The following FREM2 variants were observed in gnomAD, a reference collection of about 807,000 sequenced individuals.
FREM2 encodes the protein FRAS1 related extracellular matrix 2.
FREM2 carries 119 observed loss-of-function variants against 219.9 expected under a neutral mutation model. That is an observed-to-expected ratio of 0.54 (90% CI 0.47 to 0.63). The LOEUF (loss-of-function observed/expected upper bound fraction) is 0.63, where lower values mean the gene tolerates loss of function less well. Ranked by LOEUF, FREM2 falls within the 30% of genes least tolerant of loss-of-function variation. FREM2 has a pLI of 0.00. For synonymous variants in FREM2, 1,562 were observed against 1,522.8 expected, an observed-to-expected ratio of 1.03 and a Z score of -0.60; for missense variants, 4,030 against 3,993.6, an observed-to-expected ratio of 1.01 and a Z score of -0.25.
chr13:38,874,457 AT>A lies in FREM2; in HGVS notation c.8177-23del. The A allele has an allele frequency of 2.5e-6, 4 of 1,581,670 alleles. No individual in the cohort carries two copies. In the South Asian group the frequency reaches 3.3e-5, roughly 13 times the overall value. On this transcript the variant is annotated intron_variant, in intron 17 of 23. Transcript: ENST00000280481. The stretch of plus-strand genomic sequence containing the variant: ...GGGGTCTCTGGCTACATATATTTTC[AT>A]TCTTGGTACTCTCCCCATTATAGGT...
intron 12 of FREM2, 90 bp downstream of exon 12, chr13:38,856,346 G>A (rs1877561130): frequency 8.2e-7 from 1 of 1,221,120 alleles, no homozygotes; most frequent in African/African-American, 1.5e-5. Context: ...AACAAAATGA[G>A]GAGACTTTGA....
At chr13:38,767,795 C>T (rs1873500153) in intron 3 of FREM2, among the ~76,000 whole-genome samples, 1 of 152,198 alleles carries the variant, frequency 6.6e-6, no homozygotes, top group African/African-American at 2.4e-5. Flanking sequence ...ATTCCTGGTT[C>T]TGTGCCCTTT....
chr13:38,867,108 C>T (rs1246038447), intron 16 of FREM2, among the ~76,000 whole-genome samples: 1 of 152,178 alleles, frequency 6.6e-6, no homozygotes, highest in East Asian at 1.9e-4. Context: ...TCTATTGGAA[C>T]TGACAACAGT....
chr13:38,698,686 T>C (rs974868202), intron 2 of FREM2, among the ~76,000 whole-genome samples: 1 of 152,180 alleles, frequency 6.6e-6, no homozygotes, highest in African/African-American at 2.4e-5. Context: ...TGTTATCTGT[T>C]TCCTTATGAT....
chr13:38,840,717 C>G (rs9315618), intron 6 of FREM2, among the ~76,000 whole-genome samples: 17 of 144,670 alleles, frequency 1.2e-4, no homozygotes, highest in Admixed American at 7.2e-4. Flanking sequence ...CACACACACA[C>G]AGATATATAT....
intron 4 of FREM2, among the ~76,000 whole-genome samples, chr13:38,772,511 G>A (rs1873703889): frequency 6.6e-6 from 1 of 152,142 alleles, no homozygotes; most frequent in Admixed American, 6.5e-5. Flanking sequence ...TCGTTGAGCA[G>A]TTACTATGCA....
chr13:38,756,852 AT>A (rs1275415238), intron 2 of FREM2, among the ~76,000 whole-genome samples: 1 of 152,016 alleles, frequency 6.6e-6, no homozygotes, highest in Non-Finnish European at 1.5e-5. Flanking sequence ...GTTGGGGACC[AT>A]TTTTAAAAAT....
At chr13:38,830,430 T>G (rs1876462102) in intron 6 of FREM2, among the ~76,000 whole-genome samples, 2 of 152,154 alleles carry the variant, frequency 1.3e-5, no homozygotes. Flanking sequence ...ACCTCACTGT[T>G]TCTCTGAATT....
chr13:38,688,404 C>T lies in FREM2; in HGVS notation c.1060C>T (p.Leu354=), dbSNP rs1032292186. The change falls in exon 1 of 24, where the codon CTG becomes TTG. Residue 354 remains leucine, a synonymous_variant. Transcript: ENST00000280481. The part of the protein sequence containing the change: ...AAEDAESPSD[L]LIFNLTSPFQ... ...CGAGGATGCTGAGTCTCCCTCTGACCTGTTGATCTTCAACCTTACTTCTCC... is the reference window on the plus strand; with the variant it reads ...CGAGGATGCTGAGTCTCCCTCTGACTTGTTGATCTTCAACCTTACTTCTCC... The T allele has an allele frequency of 1.9e-6, 3 of 1,613,838 alleles. No individual in the cohort carries two copies. In the African/African-American group the frequency reaches 4.0e-5, roughly 22 times the overall value.
intron 2 of FREM2, among the ~76,000 whole-genome samples, chr13:38,728,419 T>A (rs932711424): frequency 6.6e-6 from 1 of 152,078 alleles, no homozygotes; most frequent in African/African-American, 2.4e-5. Context: ...ATTATTATTC[T>A]TTTTTTAAAT....
chr13:38,711,928 T>C (rs1469614547), intron 2 of FREM2, among the ~76,000 whole-genome samples: 3 of 148,714 alleles, frequency 2.0e-5, no homozygotes, highest in East Asian at 1.9e-4. Flanking sequence ...TTTTTTTTTT[T>C]TTTTTTTTTT....
At chr13:38,862,712 C>T (rs557274472) in intron 15 of FREM2, among the ~76,000 whole-genome samples, 15 of 152,284 alleles carry the variant, frequency 9.9e-5, no homozygotes, top group African/African-American at 3.6e-4. Flanking sequence ...GCTCAACACA[C>T]TATGTCCTGT....
At chr13:38,779,412 TAAAA>T (rs34505476) in intron 4 of FREM2, 1 of 147,664 alleles carries the variant, frequency 6.8e-6, no homozygotes, top group East Asian at 2.0e-4. Context: ...AAAAGAATAT[TAAAA>T]AAAAAAAGTA....
At chr13:38,842,654 C>A (rs967977465) in intron 6 of FREM2, among the ~76,000 whole-genome samples, 1 of 152,174 alleles carries the variant, frequency 6.6e-6, no homozygotes, top group Non-Finnish European at 1.5e-5. Flanking sequence ...GGTCTATGCG[C>A]ACTTGAGTAA....
At chr13:38,838,858 C>T (rs1008446505) in intron 6 of FREM2, among the ~76,000 whole-genome samples, 5 of 152,138 alleles carry the variant, frequency 3.3e-5, no homozygotes, top group Non-Finnish European at 7.4e-5. Context: ...AGCAATTCCT[C>T]AAACCTTCTT....
intron 2 of FREM2, among the ~76,000 whole-genome samples, chr13:38,726,305 C>T (rs538503581): frequency 2.0e-5 from 3 of 152,196 alleles, no homozygotes; most frequent in South Asian, 2.1e-4. Context: ...AATGTATTGC[C>T]TCCTGGAATG....
chr13:38,692,480 G>A lies in FREM2; in HGVS notation c.5136G>A (p.Leu1712=), dbSNP rs553878149. ...CTCAACATGGATATCTTCTCAACCTGGACAAAGGCAACCACAGCATCACTC... is the reference window on the plus strand; with the variant it reads ...CTCAACATGGATATCTTCTCAACCTAGACAAAGGCAACCACAGCATCACTC... ...EAPQHGYLLN[L]DKGNHSITQF... The change falls in exon 1 of 24, where the codon CTG becomes CTA. Residue 1712 remains leucine, a synonymous_variant. Coordinates refer to ENST00000280481, the MANE Select transcript of FREM2 (RefSeq NM_207361.6). The A allele has an allele frequency of 9.9e-6, 16 of 1,612,908 alleles. No homozygotes were observed. In the South Asian group the frequency reaches 1.8e-4, roughly 18 times the overall value.
At chr13:38,859,832 A>G (rs1207188895) in intron 14 of FREM2, among the ~76,000 whole-genome samples, 1 of 151,830 alleles carries the variant, frequency 6.6e-6, no homozygotes, top group Admixed American at 6.6e-5. Context: ...AATAAAGAAG[A>G]CAGGATCCCT....
At chr13:38,822,631 G>A (rs757883808) in intron 6 of FREM2, among the ~76,000 whole-genome samples, 1 of 152,034 alleles carries the variant, frequency 6.6e-6, no homozygotes, top group Non-Finnish European at 1.5e-5. Context: ...AGTCTTTCCA[G>A]GGGATCGCTA....
Sources: allele counts gnomAD v4.1 joint callset (sites outside exome capture counted in the v4.1 genomes callset), GRCh38; gene constraint gnomAD v4.1.1; transcripts MANE v1.5; gene names NCBI Gene and HGNC (gene_info 2026-07-23, HGNC 2026-07-21).